The following NAV3 variants were observed in gnomAD, a reference collection of about 807,000 sequenced individuals.
The protein encoded by NAV3 is pore membrane and/or filament interacting like protein 1.
Under a neutral mutation model 244.7 loss-of-function variants are expected in NAV3, and 87 were observed. The ratio of observed to expected loss-of-function variants is 0.36; its 90% CI spans 0.30 to 0.42. The LOEUF is 0.42. NAV3 is among the 20% of genes least tolerant of loss of function. The probability of loss-of-function intolerance (pLI) is 1.00; values close to 1 mark genes in which losing one functional copy is unlikely to be tolerated. For synonymous variants in NAV3, 1,126 were observed against 1,042.2 expected, an observed-to-expected ratio of 1.08 and a Z score of -1.55; for missense variants, 2,663 against 2,893.3, an observed-to-expected ratio of 0.92 and a Z score of 1.83.
intron 22 of NAV3, among the ~76,000 whole-genome samples, chr12:78,153,453 A>G (rs1957153018): frequency 6.6e-6 from 1 of 152,064 alleles, no homozygotes; most frequent in South Asian, 2.1e-4. Context: ...CTGATCAATA[A>G]CTCACCAACA....
chr12:77,779,622 TAA>T (rs955854272), intron 2 of NAV3, among the ~76,000 whole-genome samples: 2 of 152,226 alleles, frequency 1.3e-5, no homozygotes, highest in African/African-American at 4.8e-5. Context: ...ATAATTGAAA[TAA>T]GTTAAACACC....
chr12:78,075,305 A>G (rs575955944), intron 12 of NAV3, among the ~76,000 whole-genome samples: 5 of 152,316 alleles, frequency 3.3e-5, no homozygotes, highest in African/African-American at 7.2e-5. Context: ...GTGGGTCTGG[A>G]AAGTTAGCTG....
intron 12 of NAV3, among the ~76,000 whole-genome samples, chr12:78,082,532 T>G (rs1953412155): frequency 6.6e-6 from 1 of 152,312 alleles, no homozygotes; most frequent in Non-Finnish European, 1.5e-5. Flanking sequence ...AAGCACGCTG[T>G]GTATGATTTC....
intron 5 of NAV3, among the ~76,000 whole-genome samples, chr12:77,985,684 A>G (rs1870384519): frequency 1.3e-5 from 2 of 152,074 alleles, no homozygotes; most frequent in Non-Finnish European, 2.9e-5. Flanking sequence ...TATTGTACGT[A>G]GAACAACTCA....
At chr12:77,769,049 A>G (rs1465453117) in intron 2 of NAV3, among the ~76,000 whole-genome samples, 1 of 152,260 alleles carries the variant, frequency 6.6e-6, no homozygotes, top group Non-Finnish European at 1.5e-5. Context: ...CTTGTAAAAA[A>G]TCAAGGAGGC....
At chr12:78,065,867 A>G (rs1884956626) in intron 12 of NAV3, among the ~76,000 whole-genome samples, 1 of 152,168 alleles carries the variant, frequency 6.6e-6, no homozygotes, top group South Asian at 2.1e-4. Context: ...GATCTGGTAC[A>G]GAGAGTGAAT....
intron 2 of NAV3, chr12:77,783,344 C>G (rs1359970832): frequency 4.6e-5 from 7 of 152,060 alleles, no homozygotes; most frequent in Non-Finnish European, 1.0e-4. Flanking sequence ...TTGGTGGCCT[C>G]TGATTGCCAG....
chr12:77,897,090 C>A (rs150058259), intron 1 of NAV3, among the ~76,000 whole-genome samples: 4 of 152,240 alleles, frequency 2.6e-5, no homozygotes, highest in African/African-American at 9.6e-5. Flanking sequence ...TTGAACAAGC[C>A]CACACATGAT....
chr12:78,106,950 CTGTT>C (rs1163387847), intron 12 of NAV3, among the ~76,000 whole-genome samples: 2 of 152,208 alleles, frequency 1.3e-5, no homozygotes, highest in East Asian at 1.9e-4. Flanking sequence ...GTCACTGACA[CTGTT>C]TGTAGCCAAA....
intron 9 of NAV3, among the ~76,000 whole-genome samples, chr12:78,031,966 C>T (rs1346123275): frequency 6.6e-6 from 1 of 152,000 alleles, no homozygotes; most frequent in Admixed American, 6.6e-5. Context: ...GAAGCTTAGA[C>T]CTGCTAACAG....
In NAV3 at chr12:78,210,444, C is replaced by G. The variant is rs750652005; in HGVS notation, c.7085C>G (p.Thr2362Arg). ...KLQEAANYSS[T>R]QSCDSESTSH... ...CAAGAAGCAGCCAATTACTCGAGCA[C>G]ACAAAGCTGCGACAGCGAAAGCACC... Residue 2362 changes from threonine (T) to arginine (R), a missense_variant, in exon 40 of 40, where the codon ACA becomes AGA. Around this residue, in one of 6 missense-constraint regions of NAV3, gnomAD observed 543 missense variants for 672.4 expected, o/e 0.81. Coordinates refer to ENST00000397909, the MANE Select transcript of NAV3 (RefSeq NM_001024383.2). The G allele has an allele frequency of 6.2e-7, 1 of 1,613,704 alleles. No homozygotes were observed. Among genetic ancestry groups the G allele is most frequent in the Admixed American group, 1.7e-5 (1 of 59,976 alleles).
chr12:78,089,270 AG>A (rs1953799059), intron 12 of NAV3, among the ~76,000 whole-genome samples: 1 of 152,172 alleles, frequency 6.6e-6, no homozygotes, highest in South Asian at 2.1e-4. Flanking sequence ...AAGTGAATGC[AG>A]GTGGAAGAAA....
At chr12:77,847,623 C>A (rs1201290641) in intron 1 of NAV3, among the ~76,000 whole-genome samples, 1 of 152,212 alleles carries the variant, frequency 6.6e-6, no homozygotes, top group African/African-American at 2.4e-5. Context: ...TTTTCTCATT[C>A]ATTCTGCATG....
intron 1 of NAV3, among the ~76,000 whole-genome samples, chr12:77,906,896 A>G (rs1415626982): frequency 2.0e-5 from 3 of 152,126 alleles, no homozygotes; most frequent in Non-Finnish European, 4.4e-5. Flanking sequence ...TTTTACCTAT[A>G]TGAAATACAG....
chr12:77,799,903 A>ATT (rs1871613202), intron 2 of NAV3, among the ~76,000 whole-genome samples: 1 of 152,170 alleles, frequency 6.6e-6, no homozygotes, highest in Non-Finnish European at 1.5e-5. Flanking sequence ...TATTAGTTAT[A>ATT]ATGCTACTGT....
Position 78,021,838 on chromosome 12 carries a change from A to T in NAV3, c.1999A>T (p.Lys667Ter). 1 of 1,609,848 alleles carries T rather than the reference A, an allele frequency of 6.2e-7. No individual in the cohort carries two copies. The highest frequency in any genetic ancestry group is 8.5e-7 in the Non-Finnish European group (1 of 1,177,660). The change falls in exon 9 of 40, where the codon AAG (lysine) becomes TAG (stop). Residue 667 changes from lysine to a stop codon, truncating the protein, a stop_gained. Transcript: ENST00000397909. LOFTEE classifies it high-confidence loss of function. ...GGACTTATCATATAGTAAGACTGCT[A>T]AGCAGTGCCTGGAGGAGATATCTGG... The part of the protein sequence containing the change: ...KMDLSYSKTA[K>*]QCLEEISGED...
At chr12:78,179,420 A>G (rs1380869397) in intron 28 of NAV3, 109 bp from the exon 29 acceptor site, 2 of 1,333,400 alleles carry the variant, frequency 1.5e-6, no homozygotes, top group Middle Eastern at 2.4e-4. Flanking sequence ...GCAGCACACC[A>G]TATCTGTACC....
chr12:77,691,332 TGTGTGTATATATATATATATATAC>T (rs1448118125), intron 2 of NAV3, among the ~76,000 whole-genome samples: 1 of 57,656 alleles, frequency 1.7e-5, no homozygotes, highest in Non-Finnish European at 4.0e-5. Context: ...TATTTGTGTA[TGTGTGTATATATATATATATATAC>T]ATATCCATTC....
In NAV3 at chr12:78,021,851, A is replaced by C; in HGVS notation, c.2012A>C (p.Glu671Ala). Residue 671 changes from glutamate (E) to alanine (A), a missense_variant, in exon 9 of 40, where the codon GAG becomes GCG. Transcript: ENST00000397909. ...SYSKTAKQCLEEISGEDPETR... is the reference protein window; with the variant it reads ...SYSKTAKQCLAEISGEDPETR... ...AGTAAGACTGCTAAGCAGTGCCTGG[A>C]GGAGATATCTGGTAAGTGACCTCAT... is the stretch of plus-strand genomic sequence containing the variant. The C allele has an allele frequency of 6.2e-7, 1 of 1,604,776 alleles. No individual in the cohort carries two copies.
Sources: allele counts gnomAD v4.1 joint callset (sites outside exome capture counted in the v4.1 genomes callset), GRCh38; gene constraint gnomAD v4.1.1; regional missense constraint gnomAD v4.1.1; transcripts MANE v1.5; gene names NCBI Gene and HGNC (gene_info 2026-07-23, HGNC 2026-07-21).